WDR81: variants seen among roughly 807,000 people sequenced by gnomAD.
WDR81 encodes the protein WD repeat domain 81, also known as WD repeat-containing protein 81.
Under a neutral mutation model 140.8 loss-of-function variants are expected in WDR81, and 92 were observed. That is an observed-to-expected ratio of 0.65 (90% CI 0.55 to 0.78). The LOEUF is 0.78. Ranked by LOEUF, WDR81 falls within the 30% of genes least tolerant of loss-of-function variation. The probability of loss-of-function intolerance (pLI) is 0.00; values close to 1 mark genes in which losing one functional copy is unlikely to be tolerated. For missense variants in WDR81, 2,502 were observed against 2,636.4 expected (o/e 0.95, Z 1.12); for synonymous variants, 1,183 against 1,156.4 (o/e 1.02, Z -0.47).
At chr17:1,730,152 C>T (rs992329235) in intron 1 of WDR81, among the ~76,000 whole-genome samples, 13 of 152,130 alleles carry the variant, frequency 8.5e-5, no homozygotes, top group African/African-American at 1.7e-4. Context: ...TAACTTCCTG[C>T]GGGTCGTGCC....
intron 9 of WDR81, among the ~76,000 whole-genome samples, chr17:1,737,055 T>C (rs1212630667): frequency 6.6e-6 from 1 of 152,174 alleles, no homozygotes; most frequent in African/African-American, 2.4e-5. Flanking sequence ...ACTTTTCCTG[T>C]TTGTGAAATG....
At position 1,733,777 on chromosome 17, in the gene WDR81, A is replaced by G. The variant is rs573890228; in HGVS notation, c.4740A>G (p.Gly1580=). ...ATGACTCTCGGCCTGAGAACCCCGG[A>G]CCACTGGGCCCCATCTCGGGGGTGG... The part of the protein sequence containing the change: ...IPNDSRPENP[G]PLGPISGVGG... Residue 1580 remains glycine, a synonymous_variant, in exon 7 of 10, where the codon GGA becomes GGG. Transcript: ENST00000409644. 6 of 1,612,180 alleles carry G rather than the reference A, an allele frequency of 3.7e-6. No homozygotes were observed. The African/African-American group carries it at 5.3e-5, about 14-fold the overall frequency.
upstream of WDR81, among the ~76,000 whole-genome samples, chr17:1,720,404 G>A (rs1428252261): frequency 1.3e-5 from 2 of 152,226 alleles, no homozygotes; most frequent in Non-Finnish European, 2.9e-5. Flanking sequence ...TAGCCTGAAG[G>A]TTGCTGCATC....
At position 1,724,734 on chromosome 17, in the gene WDR81, C is replaced by G; in HGVS notation, c.-226C>G. 9.0e-7 allele frequency: 1 copy of G among 1,108,298 alleles called. No individual in the cohort carries two copies. The highest frequency in any genetic ancestry group is 1.1e-6 in the Non-Finnish European group (1 of 910,258). The allele number at this position is 1,108,298 out of a possible 1,614,324, so 68.7% of individuals were successfully genotyped here. On this transcript the variant is annotated 5_prime_UTR_variant, in exon 1 of 10. Transcript: ENST00000409644. ...ACCCGTCACGGTGGAGCCCGGTGCT[C>G]GCGCCCGGCAGCCTCTGCCCCGCCG...
chr17:1,730,236 G>A (rs1163603516), intron 1 of WDR81, 144 bp from the exon 2 acceptor site: 2 of 638,176 alleles, frequency 3.1e-6, no homozygotes, highest in Non-Finnish European at 5.4e-6. Context: ...TTACGTGGAG[G>A]GGGTGGTGTG....
intron 1 of WDR81, among the ~76,000 whole-genome samples, chr17:1,717,585 T>C (rs1196045884): frequency 2.0e-5 from 3 of 152,184 alleles, no homozygotes; most frequent in African/African-American, 7.2e-5. Context: ...TGCGCCCCAG[T>C]AACAGCTGAT....
In WDR81 at chr17:1,734,055, G is replaced by A. The variant is rs573780541; in HGVS notation, c.5018G>A (p.Arg1673His). ...AGCGGCAGCAAGGATCGTACCGTGC[G>A]CCTCTGGCCGCTGTACAACTACGGC... ...FLSGSKDRTV[R>H]LWPLYNYGDG... The change falls in exon 7 of 10, where the codon CGC becomes CAC. Residue 1673 changes from arginine (R) to histidine (H), a missense_variant. Physicochemically the swap from Arg to His is conservative, Grantham distance 29. This residue lies in a region of WDR81 where 1,737 missense variants were observed against 1,843.0 expected (regional missense o/e 0.94). Coordinates refer to ENST00000409644, the MANE Select transcript of WDR81 (RefSeq NM_001163809.2). 3.0e-5 allele frequency: 48 copies of A among 1,608,034 alleles called. No individual in the cohort carries two copies. Among genetic ancestry groups the A allele is most frequent in the South Asian group, 3.0e-4 (27 of 91,080 alleles).
intron 1 of WDR81, chr17:1,716,721 G>C: frequency 7.0e-7 from 1 of 1,420,560 alleles, no homozygotes. Flanking sequence ...AGTCGTGAGT[G>C]CTTCTTTTAG....
chr17:1,718,763 A>G (rs1597277365), intron 1 of WDR81, among the ~76,000 whole-genome samples: 1 of 152,176 alleles, frequency 6.6e-6, no homozygotes, highest in Admixed American at 6.5e-5. Context: ...AGTGGCCCCT[A>G]TTCTCCATTA....
At position 1,735,244 on chromosome 17, in the gene WDR81, A is replaced by G. The variant is rs1275477427; in HGVS notation, c.5180-328A>G. On this transcript the variant is annotated intron_variant, in intron 7 of 9. Coordinates refer to ENST00000409644, the MANE Select transcript of WDR81 (RefSeq NM_001163809.2). The surrounding 1 kb of genome is among the most constrained non-coding windows in gnomAD (Gnocchi z 4.2). ...GGAGATCGAGACCATCCAGGCTAAC[A>G]TGGTAAAACCCCGTCTCTACCAAAA... Among the ~76,000 whole-genome samples the G allele has an allele frequency of 3.3e-5, 5 of 152,176 alleles. No individual in the cohort carries two copies. The highest frequency in any genetic ancestry group is 5.9e-5 in the Non-Finnish European group (4 of 68,022).
At position 1,737,827 on chromosome 17, in the gene WDR81, C is replaced by A; in HGVS notation, c.*142C>A. ...TGCCCACATGGCCTGCCAACTAGGG[C>A]CTGCAAATGGAGTGGGGGAGTCCTG... On this transcript the variant is annotated 3_prime_UTR_variant, in exon 10 of 10. Coordinates refer to ENST00000409644, the MANE Select transcript of WDR81 (RefSeq NM_001163809.2). 1 of 1,082,932 alleles carries A rather than the reference C, an allele frequency of 9.2e-7. No individual in the cohort carries two copies. Among genetic ancestry groups the A allele is most frequent in the Non-Finnish European group, 1.3e-6 (1 of 776,840 alleles). The allele number at this position is 1,082,932 out of a possible 1,614,324, so 67.1% of individuals were successfully genotyped here.
Position 1,735,934 on chromosome 17 carries a change from C to A in WDR81, c.5326-105C>A. 2 of 1,472,260 alleles carry A rather than the reference C, an allele frequency of 1.4e-6. No individual in the cohort carries two copies. The highest frequency in any genetic ancestry group is 2.2e-5 in the Admixed American group (1 of 45,214). 91.2% of individuals were successfully genotyped at this position (1,472,260 alleles called of 1,614,324 possible). On this transcript the variant is annotated intron_variant, in intron 8 of 9. Transcript: ENST00000409644. The surrounding 1 kb of genome is among the most constrained non-coding windows in gnomAD (Gnocchi z 4.2). ...GCTTTTCATGCCCCCTGATGAGGGT[C>A]AGAGGCTCAGGCCTTCCTGCTGTGT...
In WDR81 at chr17:1,725,544, T is replaced by C; in HGVS notation, c.585T>C (p.Thr195=). The C allele has an allele frequency of 1.9e-6, 3 of 1,545,158 alleles. No individual in the cohort carries two copies. Among genetic ancestry groups the C allele is most frequent in the Middle Eastern group, 1.7e-4 (1 of 5,992 alleles). The change falls in exon 1 of 10, where the codon ACT becomes ACC. Residue 195 remains threonine, a synonymous_variant. Coordinates refer to ENST00000409644, the MANE Select transcript of WDR81 (RefSeq NM_001163809.2). ...YGCSFLPVGE[T]TQCPSYAREG... ...GCTCCTTCCTGCCAGTGGGTGAAACTACCCAATGCCCTTCATATGCCAGAG... is the reference window on the plus strand; with the variant it reads ...GCTCCTTCCTGCCAGTGGGTGAAACCACCCAATGCCCTTCATATGCCAGAG...
At chr17:1,737,006 C>G (rs1904925762) in intron 9 of WDR81, among the ~76,000 whole-genome samples, 1 of 152,176 alleles carries the variant, frequency 6.6e-6, no homozygotes. Flanking sequence ...CTTGCTGGCC[C>G]CATGACCTTG....
rs369748157 is a variant in WDR81, at chr17:1,728,074, G to A, written c.3115G>A (p.Ala1039Thr). ...GGAGGAGGAGAGCGGGCTGCCCGGG[G>A]CCGGGCCTGGCTCCTGTGCTTTTGG... ...AEEEESGLPG[A>T]GPGSCAFGEE... Residue 1039 changes from alanine (A) to threonine (T), a missense_variant, in exon 1 of 10, where the codon GCC (alanine) becomes ACC (threonine). By Grantham distance (58) the Ala-to-Thr change is moderately conservative. Around this residue, in one of 3 missense-constraint regions of WDR81, gnomAD observed 1,737 missense variants for 1,843.0 expected, o/e 0.94. Transcript: ENST00000409644. The A allele has an allele frequency of 4.4e-4, 704 of 1,587,240 alleles. 4 individuals are homozygous for A. The highest frequency in any genetic ancestry group is 5.6e-4 in the Non-Finnish European group (651 of 1,167,668).
chr17:1,721,576 T>A (rs527291665), upstream of WDR81, among the ~76,000 whole-genome samples: 70 of 144,374 alleles, frequency 4.8e-4, no homozygotes, highest in Middle Eastern at 4.2e-3. Context: ...AATCCCAGCA[T>A]TTTGAGAGGC....
At position 1,737,309 on chromosome 17, in the gene WDR81, C is replaced by T; in HGVS notation, c.5506-56C>T. The T allele has an allele frequency of 2.0e-6, 3 of 1,519,990 alleles. No individual in the cohort carries two copies. The South Asian group carries it at 3.9e-5, about 20-fold the overall frequency. The allele number at this position is 1,519,990 out of a possible 1,614,324, so 94.2% of individuals were successfully genotyped here. A position where few individuals can be genotyped will look rare whatever the true frequency, so the allele number is the denominator to read the frequency against. ...GAGGGAACTGGGAAGGCCTTGGGGCCCAAGGGTATGCAGAAGGACCCAGGC... is the reference window on the plus strand; with the variant it reads ...GAGGGAACTGGGAAGGCCTTGGGGCTCAAGGGTATGCAGAAGGACCCAGGC... On this transcript the variant is annotated intron_variant, in intron 9 of 9. Transcript: ENST00000409644.
Position 1,736,049 on chromosome 17 carries a change from G to T in WDR81, c.5336G>T (p.Arg1779Leu). ...CRKPGLQHEFRLGGGLNPGLV... is the reference protein window; with the variant it reads ...CRKPGLQHEFLLGGGLNPGLV... ...GCCCTCTCCCTGCAGCACGAGTTCC[G>T]ACTGGGCGGTGGGCTGAACCCTGGG... Residue 1779 changes from arginine (R) to leucine (L), a missense_variant, in exon 9 of 10, where the codon CGA becomes CTA. This residue lies in a region of WDR81 where 1,737 missense variants were observed against 1,843.0 expected (regional missense o/e 0.94). Coordinates refer to ENST00000409644, the MANE Select transcript of WDR81 (RefSeq NM_001163809.2). 3 of 1,597,944 alleles carry T rather than the reference G, an allele frequency of 1.9e-6. No homozygotes were observed. The highest frequency in any genetic ancestry group is 2.5e-6 in the Non-Finnish European group (3 of 1,178,594).
At chr17:1,722,853 C>T (rs144422686), upstream of WDR81, among the ~76,000 whole-genome samples, 860 of 152,000 alleles carry the variant, frequency 5.7e-3, 7 homozygotes, top group African/African-American at 0.015. Flanking sequence ...CTGCCACACC[C>T]GGCTAATTTT....
Sources: gnomAD v4.1 joint callset for allele counts (sites outside exome capture counted in the v4.1 genomes callset) on GRCh38, gnomAD v4.1.1 for gene constraint, gnomAD v4.1.1 regional missense constraint, Gnocchi (gnomAD v3.1) non-coding constraint, MANE v1.5 for transcripts, NCBI Gene and HGNC (gene_info 2026-07-23, HGNC 2026-07-21) for gene names.